IDE: variants seen among roughly 807,000 people sequenced by gnomAD.
The protein encoded by IDE is insulin-degrading enzyme.
In IDE, 58 loss-of-function variants were observed where a neutral mutation model predicts 133.2. The ratio of observed to expected loss-of-function variants is 0.44; its 90% CI spans 0.35 to 0.54. IDE has a LOEUF of 0.54. Among genes scored for constraint, IDE ranks in the 20% least tolerant of loss-of-function variants. IDE has a pLI of 0.00. For synonymous variants in IDE, 396 were observed against 421.3 expected (o/e 0.94, Z 0.73); for missense variants, 981 against 1,234.0 (o/e 0.79, Z 3.07).
At chr10:92,492,276 G>C (rs1022877214) in intron 11 of IDE, among the ~76,000 whole-genome samples, 1 of 151,384 alleles carries the variant, frequency 6.6e-6, no homozygotes, top group East Asian at 1.9e-4. Flanking sequence ...AAAAAGAAAA[G>C]AAAAAAGTGT....
chr10:92,526,866 A>T (rs1030800010), intron 4 of IDE, among the ~76,000 whole-genome samples: 2 of 151,304 alleles, frequency 1.3e-5, no homozygotes, highest in African/African-American at 4.9e-5. Flanking sequence ...AAAAAAAAAA[A>T]AAAGGACAGG....
At chr10:92,531,403 G>T (rs1849915793) in intron 4 of IDE, among the ~76,000 whole-genome samples, 1 of 152,098 alleles carries the variant, frequency 6.6e-6, no homozygotes, top group Non-Finnish European at 1.5e-5. Flanking sequence ...AGGACAAGTG[G>T]ATTCAACAAT....
At chr10:92,489,839 G>A (rs2135457129) in intron 12 of IDE, among the ~76,000 whole-genome samples, 1 of 152,232 alleles carries the variant, frequency 6.6e-6, no homozygotes, top group South Asian at 2.1e-4. Flanking sequence ...CTAGAATCTA[G>A]CCTGAGTAAA....
rs71028821 is a variant in IDE at position 92,458,490 on chromosome 10, G to GTTTTTTT, written c.2824-2066_2824-2060dup. Reference sequence around the variant, plus strand: ...AGGCCTGGTTATAAATACTCTCTCTGTTTTTTTTTTTTTTTTTTTTTTTTT... The same window carrying GTTTTTTT: ...AGGCCTGGTTATAAATACTCTCTCTGTTTTTTTTTTTTTTTTTTTTTTTTTTTTTTTT... On this transcript the variant is annotated intron_variant, in intron 22 of 24. Transcript: ENST00000265986. 9.4e-4 allele frequency among the ~76,000 whole-genome samples: 79 copies of GTTTTTTT among 83,886 alleles called. 8 individuals are homozygous for GTTTTTTT. The highest frequency in any genetic ancestry group is 1.3e-3 in the Non-Finnish European group (57 of 44,922). 55.0% of individuals were successfully genotyped at this position (83,886 alleles called of 152,430 possible).
At chr10:92,459,180 A>T (rs1845219876) in intron 22 of IDE, among the ~76,000 whole-genome samples, 1 of 152,232 alleles carries the variant, frequency 6.6e-6, no homozygotes, top group Non-Finnish European at 1.5e-5. Flanking sequence ...TTTGCAGAAG[A>T]GTTGCTGGGA....
chr10:92,473,321 A>T (rs1846076008), intron 17 of IDE, among the ~76,000 whole-genome samples: 1 of 152,118 alleles, frequency 6.6e-6, no homozygotes, highest in Admixed American at 6.6e-5. Context: ...TAAAAAATCT[A>T]AAACAATAAT....
intron 1 of IDE, among the ~76,000 whole-genome samples, chr10:92,565,230 C>T (rs1407820402): frequency 7.9e-5 from 11 of 138,404 alleles, no homozygotes; most frequent in African/African-American, 2.1e-4. Flanking sequence ...GGTGACAGAG[C>T]GAGACTCTGT....
chr10:92,503,212 T>A (rs1848120021), intron 11 of IDE, among the ~76,000 whole-genome samples: 3 of 152,176 alleles, frequency 2.0e-5, no homozygotes, highest in Admixed American at 2.0e-4. Flanking sequence ...CCGGACTGCT[T>A]GAGGCCAGGA....
chr10:92,531,970 G>T, intron 3 of IDE, 53 bp from the exon 4 acceptor site: 3 of 1,274,054 alleles, frequency 2.4e-6, no homozygotes, highest in Non-Finnish European at 2.1e-6. Flanking sequence ...TAAAACAATA[G>T]CCTTTTAGAA....
chr10:92,541,355 T>A (rs1347065273), intron 1 of IDE: 2 of 470,528 alleles, frequency 4.3e-6, no homozygotes, highest in Non-Finnish European at 8.8e-6. Flanking sequence ...GATGAATTCA[T>A]CAACAGCTTG....
At chr10:92,536,559 G>A (rs948229409) in intron 2 of IDE, among the ~76,000 whole-genome samples, 1 of 149,856 alleles carries the variant, frequency 6.7e-6, no homozygotes, top group Non-Finnish European at 1.5e-5. Context: ...TTAGGCGGGC[G>A]TGGTGGCACG....
chr10:92,538,572 T>TTGCAAAGGGCTTCCTC (rs1012134889), intron 1 of IDE, among the ~76,000 whole-genome samples: 1 of 152,222 alleles, frequency 6.6e-6, no homozygotes, highest in African/African-American at 2.4e-5. Flanking sequence ...AAAAATTCTC[T>TTGCAAAGGGCTTCCTC]TGCAAAGGGC....
chr10:92,536,198 C>T (rs1193143181), intron 2 of IDE, among the ~76,000 whole-genome samples: 2 of 151,250 alleles, frequency 1.3e-5, no homozygotes, highest in South Asian at 2.1e-4. Flanking sequence ...GCCTGGCCAA[C>T]GTGGTGAAAC....
At chr10:92,570,485 C>T (rs1843732609) in intron 1 of IDE, among the ~76,000 whole-genome samples, 1 of 152,150 alleles carries the variant, frequency 6.6e-6, no homozygotes, top group African/African-American at 2.4e-5. Flanking sequence ...CAGAACCTAA[C>T]ATATCTATAG....
At chr10:92,559,857 C>A (rs12765408) in intron 1 of IDE, among the ~76,000 whole-genome samples, 24,905 of 151,272 alleles carry the variant, frequency 0.16, 2,375 homozygotes, top group Middle Eastern at 0.21. Context: ...CCCGCCTCAG[C>A]CTCTGGAATA....
chr10:92,519,167 T>C (rs1849083058), intron 4 of IDE, among the ~76,000 whole-genome samples: 1 of 152,206 alleles, frequency 6.6e-6, no homozygotes, highest in African/African-American at 2.4e-5. Context: ...TGAATCATTA[T>C]ACAAAAAGAT....
Position 92,510,101 on chromosome 10 carries a change from AT to A in IDE, c.845del (p.Asn282MetfsTer23). The A allele has an allele frequency of 6.2e-7, 1 of 1,607,220 alleles. No individual in the cohort carries two copies. Among genetic ancestry groups the A allele is most frequent in the Non-Finnish European group, 8.5e-7 (1 of 1,174,892 alleles). ...GTTCAGGAAATTCTGGCAATGGAAC[AT>A]TTTTGTTCTCTACTTCAGAAAATAA... ...VKLFSEVENKNVPLPEFPEHP... is the reference protein window; with the variant it reads ...VKLFSEVENKXVPLPEFPEHP... On this transcript the variant is annotated frameshift_variant, in exon 6 of 25. Transcript: ENST00000265986. LOFTEE classifies it high-confidence loss of function.
chr10:92,495,247 G>A (rs1034522736), intron 11 of IDE, among the ~76,000 whole-genome samples: 9 of 135,092 alleles, frequency 6.7e-5, no homozygotes, highest in African/African-American at 2.3e-4. Context: ...TTAAGATGGC[G>A]TCTCACTCTG....
At chr10:92,496,618 T>C (rs1157178788) in intron 11 of IDE, among the ~76,000 whole-genome samples, 1 of 152,022 alleles carries the variant, frequency 6.6e-6, no homozygotes, top group Admixed American at 6.6e-5. Flanking sequence ...AAACCCTATC[T>C]CTACTAAAAA....
Sources: allele counts gnomAD v4.1 joint callset (sites outside exome capture counted in the v4.1 genomes callset), GRCh38; gene constraint gnomAD v4.1.1; transcripts MANE v1.5; gene names NCBI Gene and HGNC (gene_info 2026-07-23, HGNC 2026-07-21).